The following ABCD2 variants were observed in gnomAD, a reference collection of about 807,000 sequenced individuals.
ABCD2 encodes ATP-binding cassette sub-family D member 2.
Under a neutral mutation model 70.9 loss-of-function variants are expected in ABCD2, and 36 were observed. That is an observed-to-expected ratio of 0.51 (90% confidence interval 0.39 to 0.67). ABCD2 has a LOEUF of 0.67. Ranked by LOEUF, ABCD2 falls within the 30% of genes least tolerant of loss-of-function variation. ABCD2 has a pLI of 0.00. For missense variants in ABCD2, 729 were observed against 890.2 expected (o/e 0.82, Z 2.30); for synonymous variants, 304 against 306.9 (o/e 0.99, Z 0.10).
chr12:39,578,899 C>T lies in ABCD2; in HGVS notation c.1877+636G>A, dbSNP rs1941557764. Among the ~76,000 whole-genome samples, 3 of 152,016 alleles carry T rather than the reference C, an allele frequency of 2.0e-5. No homozygotes were observed. The South Asian group carries it at 6.2e-4, about 32-fold the overall frequency. ...ACTGAATGTCTACCTATTGGATTTA[C>T]ACAAGTATCATAGTGATTGTATAGT... is the stretch of plus-strand genomic sequence containing the variant. On this transcript the variant is annotated intron_variant, in intron 8 of 9. Transcript: ENST00000308666.
chr12:39,581,010 T>C (rs1298182594), intron 7 of ABCD2, among the ~76,000 whole-genome samples: 1 of 152,196 alleles, frequency 6.6e-6, no homozygotes, highest in Non-Finnish European at 1.5e-5. Context: ...GAGGCTTTGA[T>C]GAAATAACAT....
At chr12:39,596,106 A>G (rs1203911971) in intron 6 of ABCD2, among the ~76,000 whole-genome samples, 1 of 152,158 alleles carries the variant, frequency 6.6e-6, no homozygotes, top group African/African-American at 2.4e-5. Context: ...AAAGAACATT[A>G]TGCTATCCAG....
chr12:39,548,353 C>T (rs1450979183), downstream of ABCD2, among the ~76,000 whole-genome samples: 1 of 151,914 alleles, frequency 6.6e-6, no homozygotes, highest in Non-Finnish European at 1.5e-5. Context: ...AAAATGTAAC[C>T]CCCTCTTAGG....
At chr12:39,609,208 A>G (rs777822680) in intron 2 of ABCD2, among the ~76,000 whole-genome samples, 1 of 152,170 alleles carries the variant, frequency 6.6e-6, no homozygotes, top group African/African-American at 2.4e-5. Context: ...TGAACATCCT[A>G]AATTACTGTC....
At position 39,616,860 on chromosome 12, in the gene ABCD2, A is replaced by G. The variant is rs564872443; in HGVS notation, c.1120+128T>C. 7 of 795,664 alleles carry G rather than the reference A, an allele frequency of 8.8e-6. No homozygotes were observed. The African/African-American group carries it at 1.1e-4, about 12-fold the overall frequency. 49.3% of individuals were successfully genotyped at this position (795,664 alleles called of 1,614,324 possible). ...ATCACTGGACGCTGTAAAGTCTGCC[A>G]TTGTTTCGGACCATTGTTAACTAGA... On this transcript the variant is annotated intron_variant, in intron 2 of 9. Transcript: ENST00000308666.
chr12:39,591,251 T>C (rs574441712), intron 6 of ABCD2, among the ~76,000 whole-genome samples: 92 of 152,304 alleles, frequency 6.0e-4, no homozygotes, highest in Middle Eastern at 3.4e-3. Context: ...ATTTGAGTCA[T>C]TTATAGTATT....
chr12:39,558,292 A>G (rs1244715437), intron 9 of ABCD2, among the ~76,000 whole-genome samples: 3 of 152,110 alleles, frequency 2.0e-5, no homozygotes, highest in African/African-American at 7.2e-5. Flanking sequence ...ATGTACCCCC[A>G]TTATATCTAG....
intron 6 of ABCD2, among the ~76,000 whole-genome samples, chr12:39,599,627 A>G (rs1031589580): frequency 1.3e-5 from 2 of 152,228 alleles, no homozygotes; most frequent in Non-Finnish European, 2.9e-5. Flanking sequence ...CTTTAAAGAA[A>G]AAAACCCACA....
chr12:39,598,943 C>T (rs1019900947), intron 6 of ABCD2, among the ~76,000 whole-genome samples: 1 of 152,012 alleles, frequency 6.6e-6, no homozygotes, highest in Non-Finnish European at 1.5e-5. Flanking sequence ...AACATATACC[C>T]AAATGTTCAT....
At chr12:39,566,983 G>C (rs1941360098) in intron 9 of ABCD2, among the ~76,000 whole-genome samples, 1 of 152,200 alleles carries the variant, frequency 6.6e-6, no homozygotes, top group Admixed American at 6.5e-5. Context: ...TGATTGCACT[G>C]TGGTCTGAGA....
chr12:39,534,836 G>T, the ABCD2 span, among the ~76,000 whole-genome samples: 2 of 145,954 alleles, frequency 1.4e-5, no homozygotes, highest in Non-Finnish European at 3.0e-5. Context: ...AAGCAGGAAA[G>T]AAAGAAAGAA....
chr12:39,552,408 TG>T lies in ABCD2; in HGVS notation c.*1503del, dbSNP rs1325327688. 1.3e-5 allele frequency: 2 copies of T among 151,958 alleles called. No individual in the cohort carries two copies. Among genetic ancestry groups the T allele is most frequent in the African/African-American group, 4.8e-5 (2 of 41,454 alleles). The allele number at this position is 151,958 out of a possible 1,614,324, so 9.4% of individuals were successfully genotyped here. ...ACAACTGATCATTCCAATATTCTTC[TG>T]GTATGTCAATGTGGTATCACAGGCA... On this transcript the variant is annotated 3_prime_UTR_variant, in exon 10 of 10. Coordinates refer to ENST00000308666, the MANE Select transcript of ABCD2 (RefSeq NM_005164.4).
chr12:39,554,295 T>A (rs952917013), intron 9 of ABCD2, among the ~76,000 whole-genome samples, 164 bp from the exon 10 acceptor site: 5 of 152,202 alleles, frequency 3.3e-5, no homozygotes, highest in African/African-American at 9.6e-5. Context: ...GTGATTTTTT[T>A]AAAACCCAAA....
At chr12:39,549,697 AT>A (rs1298797590), downstream of ABCD2, among the ~76,000 whole-genome samples, 1 of 151,956 alleles carries the variant, frequency 6.6e-6, no homozygotes, top group Non-Finnish European at 1.5e-5. Context: ...TATACTTAAT[AT>A]TTACGTTAAA....
At chr12:39,563,156 AT>A (rs1271197394) in intron 9 of ABCD2, among the ~76,000 whole-genome samples, 1 of 152,196 alleles carries the variant, frequency 6.6e-6, no homozygotes, top group Non-Finnish European at 1.5e-5. Context: ...TAGGAGGAAC[AT>A]AGCTCAACAA....
Position 39,619,247 on chromosome 12 carries a change from A to G in ABCD2, c.369T>C (p.Tyr123=), listed in dbSNP as rs1377472958. The G allele has an allele frequency of 1.2e-6, 2 of 1,614,140 alleles. No individual in the cohort carries two copies. Among genetic ancestry groups the G allele is most frequent in the Non-Finnish European group, 1.7e-6 (2 of 1,180,014 alleles). ...ALISRTFLSI[Y]VAGLDGKIVK... is the part of the protein sequence containing the mutation. The stretch of plus-strand genomic sequence containing the variant: ...CGATTTTTCCATCCAGACCAGCCAC[A>G]TAGATAGAAAGAAAGGTTCTTGAGA... Residue 123 remains tyrosine (Y), a synonymous_variant, in exon 1 of 10, where the codon TAT becomes TAC. Transcript: ENST00000308666.
At position 39,558,084 on chromosome 12, in the gene ABCD2, C is replaced by T. The variant is rs1941196937; in HGVS notation, c.2004-3953G>A. On this transcript the variant is annotated intron_variant, in intron 9 of 9. Coordinates refer to ENST00000308666, the MANE Select transcript of ABCD2 (RefSeq NM_005164.4). ...ATGCCAGCCCATGAAAGCAGCCATA[C>T]CCTGCAAAGCTACAGGGGTGAGCAG... 2.6e-5 allele frequency among the ~76,000 whole-genome samples: 4 copies of T among 152,348 alleles called. No homozygotes were observed. In the South Asian group the frequency reaches 8.3e-4, roughly 32 times the overall value.
intron 5 of ABCD2, 137 bp from the exon 6 acceptor site, chr12:39,600,853 T>C (rs539755248): frequency 2.7e-6 from 2 of 744,588 alleles, no homozygotes; most frequent in Non-Finnish European, 4.3e-6. Context: ...GAAAAATATT[T>C]CAGGGTTGAG....
intron 5 of ABCD2, among the ~76,000 whole-genome samples, chr12:39,600,917 C>G (rs944928625): frequency 2.0e-5 from 3 of 152,110 alleles, no homozygotes; most frequent in South Asian, 2.1e-4. Context: ...TAAAATAATT[C>G]AATTCCAAAG....
Sources: gnomAD v4.1 joint callset for allele counts (sites outside exome capture counted in the v4.1 genomes callset) on GRCh38, gnomAD v4.1.1 for gene constraint, MANE v1.5 for transcripts, NCBI Gene and HGNC (gene_info 2026-07-23, HGNC 2026-07-21) for gene names.